LRRC74A: variants seen among roughly 807,000 people sequenced by gnomAD.
LRRC74A encodes the protein leucine rich repeat containing 74A, also known as leucine-rich repeat-containing protein 74A.
Under a neutral mutation model 57.9 loss-of-function variants are expected in LRRC74A, and 44 were observed. That is an observed-to-expected ratio of 0.76 (90% confidence interval 0.60 to 0.98). The LOEUF (loss-of-function observed/expected upper bound fraction) is 0.98, where lower values mean the gene tolerates loss of function less well. LRRC74A is among the 50% of genes least tolerant of loss of function. LRRC74A has a pLI of 0.00. For synonymous variants in LRRC74A, 211 were observed against 219.4 expected (o/e 0.96, Z 0.34); for missense variants, 572 against 574.0 (o/e 1.00, Z 0.04).
At chr14:76,862,650 T>G (rs562261424) in intron 11 of LRRC74A, among the ~76,000 whole-genome samples, 1 of 152,184 alleles carries the variant, frequency 6.6e-6, no homozygotes, top group Non-Finnish European at 1.5e-5. Context: ...AAAGGATGAC[T>G]TCTTGGAAGA....
intron 5 of LRRC74A, among the ~76,000 whole-genome samples, chr14:76,839,975 C>T (rs1595357961): frequency 6.6e-6 from 1 of 152,026 alleles, no homozygotes; most frequent in East Asian, 1.9e-4. Context: ...GTGATCTGCC[C>T]GCCTCAGCCT....
At chr14:76,861,128 G>T (rs933422289) in intron 11 of LRRC74A, among the ~76,000 whole-genome samples, 1 of 152,226 alleles carries the variant, frequency 6.6e-6, no homozygotes, top group Non-Finnish European at 1.5e-5. Context: ...ACCTGCTAGC[G>T]TATGACCAAG....
intron 8 of LRRC74A, among the ~76,000 whole-genome samples, chr14:76,852,875 C>A (rs112688246): frequency 1.3e-4 from 20 of 152,264 alleles, no homozygotes; most frequent in African/African-American, 4.6e-4. Flanking sequence ...CCTCAGCCTC[C>A]TAAAGTGCTG....
chr14:76,828,841 C>T, intron 2 of LRRC74A: 1 of 429,176 alleles, frequency 2.3e-6, no homozygotes, highest in Middle Eastern at 4.6e-4. Context: ...CGGGAGTTTG[C>T]CCAGCACGTT....
chr14:76,835,824 G>C (rs1345972373), intron 3 of LRRC74A, among the ~76,000 whole-genome samples: 1 of 152,152 alleles, frequency 6.6e-6, no homozygotes, highest in Non-Finnish European at 1.5e-5. Flanking sequence ...ATGCTTTAAA[G>C]GACCTCCTTG....
Position 76,826,554 on chromosome 14 carries a change from T to A in LRRC74A, c.-144T>A, listed in dbSNP as rs755948145. On this transcript the variant is annotated 5_prime_UTR_variant, in exon 1 of 14. The change abolishes the stop of an existing upstream ORF in the 5' untranslated region. Transcript: ENST00000689127. ...CCCAGGGCTTGCTGGGAGGGAAGGA[T>A]AACTGCAGGCTCCCCTGGGATGCCC... 1 of 1,612,274 alleles carries A rather than the reference T, an allele frequency of 6.2e-7. No homozygotes were observed.
In LRRC74A at chr14:76,838,069, C is replaced by G. The variant is rs111240282; in HGVS notation, c.544+98C>G. On this transcript the variant is annotated intron_variant, in intron 5 of 13. Transcript: ENST00000689127. ...AATGTCTCATTGAACCAGACCATGT[C>G]CTTCTAGTCTTGGAGACCAGAATAC... The G allele has an allele frequency of 2.3e-4, 187 of 807,180 alleles. No homozygotes were observed. The African/African-American group carries it at 2.9e-3, about 12-fold the overall frequency. The allele number at this position is 807,180 out of a possible 1,614,324, so 50.0% of individuals were successfully genotyped here.
At chr14:76,844,983 A>T (rs1897026108) in intron 7 of LRRC74A, 82 bp downstream of exon 7, 1 of 733,592 alleles carries the variant, frequency 1.4e-6, no homozygotes, top group African/African-American at 1.8e-5. Context: ...CCTTTTAAAC[A>T]TGATTTTTAA....
At chr14:76,854,987 C>A (rs1405067114) in intron 9 of LRRC74A, among the ~76,000 whole-genome samples, 2 of 152,114 alleles carry the variant, frequency 1.3e-5, no homozygotes, top group East Asian at 3.9e-4. Context: ...CAGAGGGAAG[C>A]CTGCTGTACG....
At chr14:76,828,887 G>A in intron 2 of LRRC74A, 1 of 640,130 alleles carries the variant, frequency 1.6e-6, no homozygotes, top group South Asian at 1.8e-5. Context: ...TGATGGTTCT[G>A]CCTTCTGTAT....
rs576558712 is a variant in LRRC74A at position 76,849,363 on chromosome 14, G to C, written c.677-3002G>C. Among the ~76,000 whole-genome samples the C allele has an allele frequency of 2.6e-5, 4 of 151,830 alleles. No individual in the cohort carries two copies. The East Asian group carries it at 7.9e-4, about 30-fold the overall frequency. ...GTAGAGATGGGTTTTCACCATGTTG[G>C]CCAGGATGGTCTCCAACACCTGACC... is the stretch of plus-strand genomic sequence containing the variant. On this transcript the variant is annotated intron_variant, in intron 7 of 13. Transcript: ENST00000689127.
chr14:76,852,581 T>C (rs921464536), intron 8 of LRRC74A, 131 bp downstream of exon 8: 4 of 571,408 alleles, frequency 7.0e-6, no homozygotes, highest in Non-Finnish European at 8.6e-6. Flanking sequence ...CAAATACTTT[T>C]CAAGTTATTG....
At chr14:76,865,931 C>G (rs1330823898) in intron 11 of LRRC74A, 37 bp from the exon 12 acceptor site, 15 of 1,451,626 alleles carry the variant, frequency 1.0e-5, no homozygotes, top group Non-Finnish European at 1.4e-5. Flanking sequence ...TGTTACAAGA[C>G]CAAGTGTTTG....
At chr14:76,844,548 G>A in intron 6 of LRRC74A, 76 bp downstream of exon 6, 2 of 1,427,728 alleles carry the variant, frequency 1.4e-6, no homozygotes, top group African/African-American at 1.4e-5. Flanking sequence ...GCTGCTATGG[G>A]CACAGTAACG....
chr14:76,842,590 T>C (rs1309086689), intron 5 of LRRC74A, among the ~76,000 whole-genome samples: 1 of 152,252 alleles, frequency 6.6e-6, no homozygotes, highest in Admixed American at 6.5e-5. Context: ...ATGCATTGAC[T>C]AGCTTATTAT....
intron 5 of LRRC74A, among the ~76,000 whole-genome samples, chr14:76,840,577 T>C (rs1896682204): frequency 6.7e-6 from 1 of 149,944 alleles, no homozygotes; most frequent in Non-Finnish European, 1.5e-5. Context: ...AATCTATTTA[T>C]GTATTTCTTT....
At chr14:76,869,279 C>G (rs1292689757) in intron 13 of LRRC74A, among the ~76,000 whole-genome samples, 3 of 152,228 alleles carry the variant, frequency 2.0e-5, no homozygotes, top group African/African-American at 7.2e-5. Context: ...AGAGACAGAA[C>G]TGGGGTCTGG....
chr14:76,852,308 T>C (rs544954774), intron 7 of LRRC74A, 57 bp from the exon 8 acceptor site: 3 of 1,392,352 alleles, frequency 2.2e-6, no homozygotes, highest in African/African-American at 1.4e-5. Context: ...CTGTTAACTC[T>C]GAGAATGGGT....
chr14:76,859,281 T>C (rs966711017), intron 10 of LRRC74A, among the ~76,000 whole-genome samples: 11 of 152,080 alleles, frequency 7.2e-5, no homozygotes, highest in African/African-American at 2.7e-4. Context: ...ACGCCTGTAA[T>C]CCCAGCACTT....
Sources: allele counts gnomAD v4.1 joint callset (sites outside exome capture counted in the v4.1 genomes callset), GRCh38; gene constraint gnomAD v4.1.1; transcripts MANE v1.5; gene names NCBI Gene and HGNC (gene_info 2026-07-23, HGNC 2026-07-21).